The following EXT1 variants were observed in gnomAD, a reference collection of about 807,000 sequenced individuals.
The protein encoded by EXT1 is exostosin-1.
In EXT1, 20 loss-of-function variants were observed where a neutral mutation model predicts 82.5. The ratio of observed to expected loss-of-function variants is 0.24; its 90% CI spans 0.17 to 0.35. The LOEUF is 0.35. Ranked by LOEUF, EXT1 falls within the 10% of genes least tolerant of loss-of-function variation. The probability of loss-of-function intolerance (pLI) is 1.00; values close to 1 mark genes in which losing one functional copy is unlikely to be tolerated. For synonymous variants in EXT1, 348 were observed against 350.8 expected (o/e 0.99, Z 0.09); for missense variants, 757 against 936.5 (o/e 0.81, Z 2.50).
intron 1 of EXT1, among the ~76,000 whole-genome samples, chr8:117,911,984 A>C (rs756530002): frequency 1.2e-4 from 18 of 152,330 alleles, no homozygotes; most frequent in South Asian, 4.1e-4. Context: ...GAAATGCACA[A>C]AAAGAGGGAG....
At chr8:118,051,674 A>C (rs1816719269) in intron 1 of EXT1, among the ~76,000 whole-genome samples, 1 of 152,210 alleles carries the variant, frequency 6.6e-6, no homozygotes, top group South Asian at 2.1e-4. Flanking sequence ...TTACCAACTA[A>C]TCAATGTGTT....
At chr8:118,044,887 A>C (rs1032730164) in intron 1 of EXT1, among the ~76,000 whole-genome samples, 1 of 152,228 alleles carries the variant, frequency 6.6e-6, no homozygotes, top group Admixed American at 6.5e-5. Flanking sequence ...TATTGTCTAC[A>C]GCTGCTATCC....
chr8:118,068,607 A>G (rs867367147), intron 1 of EXT1, among the ~76,000 whole-genome samples: 4 of 152,272 alleles, frequency 2.6e-5, no homozygotes, highest in African/African-American at 9.6e-5. Flanking sequence ...CCCATGTTAA[A>G]TAGTGTGGCT....
intron 1 of EXT1, among the ~76,000 whole-genome samples, chr8:117,893,660 C>T (rs544060393): frequency 1.3e-5 from 2 of 152,314 alleles, no homozygotes; most frequent in African/African-American, 2.4e-5. Flanking sequence ...TTCCGCCTTT[C>T]GCTGCAGCCT....
At chr8:117,980,284 T>C (rs1273541078) in intron 1 of EXT1, among the ~76,000 whole-genome samples, 2 of 152,088 alleles carry the variant, frequency 1.3e-5, no homozygotes, top group Non-Finnish European at 2.9e-5. Flanking sequence ...CCCCTCTCTT[T>C]TCCCCTTTTG....
chr8:118,070,432 A>C (rs1817070715), intron 1 of EXT1, among the ~76,000 whole-genome samples: 1 of 152,206 alleles, frequency 6.6e-6, no homozygotes, highest in African/African-American at 2.4e-5. Flanking sequence ...AAATATTTTA[A>C]AGTTAATGTA....
At chr8:117,980,877 C>T (rs936608551) in intron 1 of EXT1, among the ~76,000 whole-genome samples, 5 of 152,218 alleles carry the variant, frequency 3.3e-5, no homozygotes, top group Admixed American at 6.5e-5. Context: ...CACACACTCC[C>T]GCTGCGAGGG....
intron 1 of EXT1, among the ~76,000 whole-genome samples, chr8:118,108,260 A>T (rs929887067): frequency 1.3e-5 from 2 of 152,230 alleles, no homozygotes; most frequent in African/African-American, 2.4e-5. Context: ...ATATAATTCA[A>T]ATTTCCTAAG....
intron 1 of EXT1, among the ~76,000 whole-genome samples, chr8:118,096,395 G>A (rs572936170): frequency 6.6e-6 from 1 of 152,266 alleles, no homozygotes; most frequent in African/African-American, 2.4e-5. Flanking sequence ...CGCTGAGGCA[G>A]GCGGATCACG....
rs550846623 is a variant in EXT1, at chr8:118,033,049, G to A, written c.962+77036C>T. On this transcript the variant is annotated intron_variant, in intron 1 of 10. Transcript: ENST00000378204. ...ATCTGGCTGTCAAGGGCTCTTCCAC[G>A]GGTCAAGTAACTTCAGGTATTTATG... Among the ~76,000 whole-genome samples the A allele has an allele frequency of 1.7e-3, 255 of 152,256 alleles. 2 individuals are homozygous for A. Among genetic ancestry groups the A allele is most frequent in the African/African-American group, 6.0e-3 (248 of 41,554 alleles).
At chr8:118,049,187 C>G (rs1393233184) in intron 1 of EXT1, among the ~76,000 whole-genome samples, 1 of 152,078 alleles carries the variant, frequency 6.6e-6, no homozygotes, top group East Asian at 1.9e-4. Flanking sequence ...AATTTTTTAA[C>G]AGCAAGAAAA....
chr8:117,942,639 A>G (rs1272125650), intron 1 of EXT1, among the ~76,000 whole-genome samples: 1 of 152,072 alleles, frequency 6.6e-6, no homozygotes, highest in Non-Finnish European at 1.5e-5. Context: ...TGAACCTGGG[A>G]GGTGGAGGTT....
intron 1 of EXT1, among the ~76,000 whole-genome samples, chr8:118,002,187 C>G (rs986899726): frequency 1.3e-5 from 2 of 151,864 alleles, no homozygotes; most frequent in African/African-American, 4.8e-5. Flanking sequence ...AATTCTTCCT[C>G]AGCATAAACT....
chr8:118,105,990 T>A (rs561337127), intron 1 of EXT1, among the ~76,000 whole-genome samples: 1 of 152,312 alleles, frequency 6.6e-6, no homozygotes, highest in African/African-American at 2.4e-5. Context: ...TAGGGCCAAA[T>A]TGAAAGGTTC....
chr8:117,889,322 C>T (rs190097165), intron 1 of EXT1, among the ~76,000 whole-genome samples: 3 of 152,302 alleles, frequency 2.0e-5, no homozygotes, highest in Admixed American at 1.3e-4. Context: ...TATTTATCAC[C>T]CTAATCCACA....
At chr8:118,093,738 G>A (rs780281846) in intron 1 of EXT1, among the ~76,000 whole-genome samples, 6 of 152,214 alleles carry the variant, frequency 3.9e-5, no homozygotes, top group Non-Finnish European at 8.8e-5. Flanking sequence ...GTTCCAATAT[G>A]TCTGAATGCT....
intron 1 of EXT1, among the ~76,000 whole-genome samples, chr8:118,072,374 C>A (rs1243607320): frequency 1.3e-5 from 2 of 152,264 alleles, no homozygotes; most frequent in East Asian, 1.9e-4. Context: ...GTTGTGAGAG[C>A]CATTTTCTCC....
At chr8:118,084,694 C>T (rs1734467259) in intron 1 of EXT1, among the ~76,000 whole-genome samples, 1 of 152,124 alleles carries the variant, frequency 6.6e-6, no homozygotes, top group Non-Finnish European at 1.5e-5. Flanking sequence ...TAGGGCATGG[C>T]ATTAGGGAAG....
intron 1 of EXT1, among the ~76,000 whole-genome samples, chr8:117,860,604 T>C (rs1812665707): frequency 6.6e-6 from 1 of 152,234 alleles, no homozygotes. Flanking sequence ...AATTGGAGAA[T>C]CACAAGCAGT....
Sources: allele counts gnomAD v4.1 joint callset (sites outside exome capture counted in the v4.1 genomes callset), GRCh38; gene constraint gnomAD v4.1.1; transcripts MANE v1.5; gene names NCBI Gene and HGNC (gene_info 2026-07-23, HGNC 2026-07-21).